RASAL2: variants seen among roughly 807,000 people sequenced by gnomAD.
RASAL2 encodes the protein ras GTPase-activating protein nGAP.
RASAL2 carries 58 observed loss-of-function variants against 128.9 expected under a neutral mutation model. The ratio of observed to expected loss-of-function variants is 0.45; its 90% confidence interval spans 0.36 to 0.56. RASAL2 has a LOEUF of 0.56. RASAL2 is among the 20% of genes least tolerant of loss of function. The pLI is 0.00. For missense variants in RASAL2, 1,360 were observed against 1,601.6 expected (o/e 0.85, Z 2.57); for synonymous variants, 561 against 580.8 (o/e 0.97, Z 0.49).
intron 1 of RASAL2, among the ~76,000 whole-genome samples, chr1:178,204,315 A>C (rs536067525): frequency 6.6e-6 from 1 of 152,186 alleles, no homozygotes; most frequent in African/African-American, 2.4e-5. Flanking sequence ...CAGGAGATGC[A>C]TATGGGTTCA....
chr1:178,331,583 C>CTTTTTTTT (rs71731643), intron 3 of RASAL2, among the ~76,000 whole-genome samples: 4 of 110,214 alleles, frequency 3.6e-5, no homozygotes, highest in African/African-American at 1.5e-4. Flanking sequence ...CTTCATGCAT[C>CTTTTTTTT]TTTTTTTTTT....
Position 178,094,560 on chromosome 1 carries a change from T to C in RASAL2, c.68T>C (p.Leu23Pro). 1.3e-6 allele frequency: 2 copies of C among 1,596,746 alleles called. No individual in the cohort carries two copies. The highest frequency in any genetic ancestry group is 1.1e-5 in the South Asian group (1 of 88,618). Residue 23 changes from leucine to proline, a missense_variant, in exon 1 of 18, where the codon CTG (leucine) becomes CCG (proline). Physicochemically the swap from Leu to Pro is moderately conservative, Grantham distance 98. Coordinates refer to ENST00000367649, the MANE Select transcript of RASAL2 (RefSeq NM_170692.4). ...ALSWPEMFPA[L>P]ESDSPLPPED... is the part of the protein sequence containing the mutation. ...TCCTGGCCGGAGATGTTCCCGGCGC[T>C]GGAGTCCGACTCGCCGCTGCCCCCG...
chr1:178,390,274 G>A (rs1672820697), intron 4 of RASAL2, 68 bp downstream of exon 4: 8 of 1,153,748 alleles, frequency 6.9e-6, no homozygotes, highest in African/African-American at 3.1e-5. Context: ...AGAGTTAGGG[G>A]CAGCTACTAA....
At chr1:178,430,911 C>T (rs1213570306) in intron 5 of RASAL2, among the ~76,000 whole-genome samples, 4 of 129,272 alleles carry the variant, frequency 3.1e-5, no homozygotes, top group Non-Finnish European at 4.7e-5. Context: ...AAAAAGTACA[C>T]ACACACACAC....
intron 4 of RASAL2, among the ~76,000 whole-genome samples, chr1:178,417,528 G>A (rs1156820454): frequency 6.6e-6 from 1 of 152,054 alleles, no homozygotes; most frequent in East Asian, 1.9e-4. Context: ...TTGGGAGGCC[G>A]AGGTGGGCGG....
intron 8 of RASAL2, among the ~76,000 whole-genome samples, chr1:178,444,445 C>T (rs539415005): frequency 1.3e-5 from 2 of 152,210 alleles, no homozygotes; most frequent in South Asian, 4.2e-4. Flanking sequence ...GAGTAAGTCC[C>T]ATTGATGTTT....
Position 178,094,703 on chromosome 1 carries a change from C to T in RASAL2, c.202+9C>T, listed in dbSNP as rs777615054. 7.4e-6 allele frequency: 12 copies of T among 1,613,774 alleles called. No homozygotes were observed. The highest frequency in any genetic ancestry group is 1.0e-5 in the Non-Finnish European group (12 of 1,179,948). The stretch of plus-strand genomic sequence containing the variant: ...CTGGGTCCGGGTGTACGGTAAGGAC[C>T]ACAGGCCGTCTTAGAGGCTGGTGTT... On this transcript the variant is annotated intron_variant, in intron 1 of 17. Transcript: ENST00000367649.
At chr1:178,140,375 C>T (rs1266600929) in intron 1 of RASAL2, among the ~76,000 whole-genome samples, 1 of 152,134 alleles carries the variant, frequency 6.6e-6, no homozygotes, top group Middle Eastern at 3.2e-3. Flanking sequence ...TTGTATTATA[C>T]AGTTCTATGG....
intron 2 of RASAL2, among the ~76,000 whole-genome samples, chr1:178,292,035 C>CAAAAA (rs34317624): frequency 1.2e-4 from 7 of 59,078 alleles, no homozygotes; most frequent in African/African-American, 3.2e-4. Context: ...GACTTTGTCT[C>CAAAAA]AAAAAAAAAA....
At chr1:178,400,685 A>G (rs1170697472) in intron 4 of RASAL2, among the ~76,000 whole-genome samples, 1 of 152,164 alleles carries the variant, frequency 6.6e-6, no homozygotes, top group Non-Finnish European at 1.5e-5. Context: ...AGAAAATCAT[A>G]TTTTATAAGT....
chr1:178,173,234 C>A (rs1661766345), intron 1 of RASAL2, among the ~76,000 whole-genome samples: 1 of 152,028 alleles, frequency 6.6e-6, no homozygotes, highest in Admixed American at 6.6e-5. Context: ...GGGTGCATAG[C>A]CCCTATTTTG....
intron 1 of RASAL2, among the ~76,000 whole-genome samples, chr1:178,231,476 T>C (rs956581362): frequency 1.3e-5 from 2 of 152,214 alleles, no homozygotes; most frequent in Non-Finnish European, 2.9e-5. Context: ...TTTTTCTCAT[T>C]TTGTGGCTTG....
intron 1 of RASAL2, among the ~76,000 whole-genome samples, chr1:178,268,047 C>A (rs895985221): frequency 1.2e-4 from 18 of 151,068 alleles, no homozygotes; most frequent in Admixed American, 5.3e-4. Context: ...GAGACAAGGT[C>A]TAGGCCAGGC....
intron 1 of RASAL2, among the ~76,000 whole-genome samples, chr1:178,096,609 C>T (rs772276225): frequency 6.6e-6 from 1 of 151,560 alleles, no homozygotes; most frequent in African/African-American, 2.4e-5. Flanking sequence ...CTGCGTGGTT[C>T]AATTGATGTC....
At chr1:178,346,915 A>C (rs1469622811) in intron 3 of RASAL2, among the ~76,000 whole-genome samples, 1 of 152,234 alleles carries the variant, frequency 6.6e-6, no homozygotes, top group African/African-American at 2.4e-5. Flanking sequence ...TAAAAGGTAG[A>C]AGTCTAGTGG....
chr1:178,246,599 C>A (rs1456822449), intron 1 of RASAL2, among the ~76,000 whole-genome samples: 1 of 152,134 alleles, frequency 6.6e-6, no homozygotes, highest in African/African-American at 2.4e-5. Flanking sequence ...ACTTCCAACA[C>A]TATGTTGAAT....
At chr1:178,286,585 T>C (rs189153434) in intron 2 of RASAL2, among the ~76,000 whole-genome samples, 1 of 152,272 alleles carries the variant, frequency 6.6e-6, no homozygotes, top group African/African-American at 2.4e-5. Flanking sequence ...TAATTTTTTG[T>C]ATTTTTAGTA....
chr1:178,103,148 A>T (rs1393437857), intron 1 of RASAL2, among the ~76,000 whole-genome samples: 2 of 152,026 alleles, frequency 1.3e-5, no homozygotes, highest in African/African-American at 4.8e-5. Context: ...ATTAGAACTG[A>T]TTTTTATCTG....
At chr1:178,260,785 G>T (rs559724805) in intron 1 of RASAL2, among the ~76,000 whole-genome samples, 40 of 152,170 alleles carry the variant, frequency 2.6e-4, no homozygotes, top group Middle Eastern at 3.4e-3. Flanking sequence ...TGCTAATGGT[G>T]CATTGAACAT....
Sources: allele counts gnomAD v4.1 joint callset (sites outside exome capture counted in the v4.1 genomes callset), GRCh38; gene constraint gnomAD v4.1.1; transcripts MANE v1.5; gene names NCBI Gene and HGNC (gene_info 2026-07-23, HGNC 2026-07-21).